Variants in ERBB4 observed in about 807,000 individuals in gnomAD.
ERBB4 encodes the protein receptor tyrosine-protein kinase erbB-4.
ERBB4 carries 42 observed loss-of-function variants against 158.0 expected under a neutral mutation model. The observed-to-expected ratio is 0.27, with a 90% CI of 0.21 to 0.34. The LOEUF is 0.34. Among genes scored for constraint, ERBB4 ranks in the 10% least tolerant of loss-of-function variants. The pLI, the probability that ERBB4 is intolerant of heterozygous loss-of-function variation, is 1.00. For synonymous variants in ERBB4, 583 were observed against 558.7 expected, an observed-to-expected ratio of 1.04 and a Z score of -0.61; for missense variants, 1,333 against 1,624.1, an observed-to-expected ratio of 0.82 and a Z score of 3.08.
intron 1 of ERBB4, among the ~76,000 whole-genome samples, chr2:212,390,366 T>C (rs1365865905): frequency 6.6e-6 from 1 of 151,822 alleles, no homozygotes; most frequent in African/African-American, 2.4e-5. Context: ...TTATTTAATT[T>C]TGTTTTTCTT....
Position 211,511,199 on chromosome 2 carries a change from A to T in ERBB4, c.2487+50704T>A, listed in dbSNP as rs150486279. On this transcript the variant is annotated intron_variant, in intron 20 of 27. Coordinates refer to ENST00000342788, the MANE Select transcript of ERBB4 (RefSeq NM_005235.3). ...AAATGTGACATTAAAAATTCTCTTA[A>T]GTTTTTAGCATATATATAGATATAT... is the stretch of plus-strand genomic sequence containing the variant. Among the ~76,000 whole-genome samples, 1,035 of 152,030 alleles carry T rather than the reference A, an allele frequency of 6.8e-3. 18 individuals carry two copies. Among genetic ancestry groups the T allele is most frequent in the African/African-American group, 0.024 (983 of 41,520 alleles).
intron 1 of ERBB4, among the ~76,000 whole-genome samples, chr2:212,286,767 A>ATTTTTTTTTT (rs748586400): frequency 0.053 from 2,079 of 39,450 alleles, 605 homozygotes; most frequent in South Asian, 0.1. Flanking sequence ...ATGAGGGTTA[A>ATTTTTTTTTT]TTTTTTTTTT....
rs534905519 is a variant in ERBB4, at chr2:211,980,337, T to C, written c.235-32721A>G. Among the ~76,000 whole-genome samples, 3 of 152,286 alleles carry C rather than the reference T, an allele frequency of 2.0e-5. No individual in the cohort carries two copies. The South Asian group carries it at 6.2e-4, about 32-fold the overall frequency. On this transcript the variant is annotated intron_variant, in intron 2 of 27. Transcript: ENST00000342788. ...CTTGAAAGCCCTGACTTTCAGTGCATCAATATAAGCAGTTGAGTAGACCGA... is the reference window on the plus strand; with the variant it reads ...CTTGAAAGCCCTGACTTTCAGTGCACCAATATAAGCAGTTGAGTAGACCGA...
At chr2:211,408,589 T>C (rs2125371715) in intron 25 of ERBB4, among the ~76,000 whole-genome samples, 1 of 152,340 alleles carries the variant, frequency 6.6e-6, no homozygotes, top group Middle Eastern at 3.4e-3. Context: ...ATTGTCTTAG[T>C]GTTGTAGAAA....
chr2:211,427,370 T>A (rs2063652297), intron 22 of ERBB4, among the ~76,000 whole-genome samples: 1 of 152,130 alleles, frequency 6.6e-6, no homozygotes, highest in African/African-American at 2.4e-5. Context: ...TTTTATATGA[T>A]ATATTTAAAC....
chr2:211,944,206 A>ATATACATATATATATATATAG (rs1553517919), intron 3 of ERBB4, among the ~76,000 whole-genome samples: 3 of 104,060 alleles, frequency 2.9e-5, no homozygotes, highest in African/African-American at 1.3e-4. Context: ...TATACTATAT[A>ATATACATATATATATATATAG]TATATATACA....
intron 1 of ERBB4, among the ~76,000 whole-genome samples, chr2:212,127,809 A>G (rs2079989042): frequency 6.6e-6 from 1 of 152,098 alleles, no homozygotes; most frequent in Admixed American, 6.5e-5. Flanking sequence ...AGAGCTATGT[A>G]CCTACAAGCC....
At chr2:211,958,460 C>A (rs1324880653) in intron 2 of ERBB4, among the ~76,000 whole-genome samples, 3 of 152,040 alleles carry the variant, frequency 2.0e-5, no homozygotes, top group Admixed American at 2.0e-4. Context: ...ACATTAACTT[C>A]TATTAATTAG....
intron 3 of ERBB4, among the ~76,000 whole-genome samples, chr2:211,925,103 T>C (rs1053712864): frequency 6.6e-6 from 1 of 152,132 alleles, no homozygotes; most frequent in African/African-American, 2.4e-5. Flanking sequence ...AGCTTTGCAG[T>C]TCAGAAATAC....
At chr2:212,242,119 A>G (rs931556226) in intron 1 of ERBB4, among the ~76,000 whole-genome samples, 1 of 151,912 alleles carries the variant, frequency 6.6e-6, no homozygotes, top group Non-Finnish European at 1.5e-5. Context: ...TCAACATAAC[A>G]AGATGTTTAG....
intron 7 of ERBB4, among the ~76,000 whole-genome samples, chr2:211,721,927 G>C (rs1462753756): frequency 6.6e-6 from 1 of 151,952 alleles, no homozygotes; most frequent in Non-Finnish European, 1.5e-5. Context: ...CAGTGGCACC[G>C]TCTCGGCTCA....
chr2:212,537,622 G>C (rs1424266986), intron 1 of ERBB4, among the ~76,000 whole-genome samples: 1 of 152,100 alleles, frequency 6.6e-6, no homozygotes, highest in African/African-American at 2.4e-5. Flanking sequence ...CAGCCTGGCC[G>C]GGCAGTAAAC....
intron 3 of ERBB4, among the ~76,000 whole-genome samples, chr2:211,932,974 G>T (rs2080216993): frequency 6.6e-6 from 1 of 151,890 alleles, no homozygotes; most frequent in African/African-American, 2.4e-5. Context: ...TACATAAAAC[G>T]ATTGAATAGT....
At chr2:212,498,379 T>C (rs1293947509) in intron 1 of ERBB4, among the ~76,000 whole-genome samples, 1 of 152,174 alleles carries the variant, frequency 6.6e-6, no homozygotes, top group East Asian at 1.9e-4. Flanking sequence ...ATTTAAGCTA[T>C]TTAAATCCTA....
intron 3 of ERBB4, among the ~76,000 whole-genome samples, chr2:211,860,282 A>G (rs962250776): frequency 6.6e-6 from 1 of 152,126 alleles, no homozygotes; most frequent in African/African-American, 2.4e-5. Flanking sequence ...TACTCCAATT[A>G]TTTTCTAACT....
At chr2:211,490,832 T>C (rs1574596599) in intron 20 of ERBB4, among the ~76,000 whole-genome samples, 1 of 152,250 alleles carries the variant, frequency 6.6e-6, no homozygotes, top group East Asian at 1.9e-4. Flanking sequence ...ACATCTTTGA[T>C]GTTGTTTGTT....
chr2:212,397,379 G>A (rs1056271598), intron 1 of ERBB4, among the ~76,000 whole-genome samples: 4 of 151,920 alleles, frequency 2.6e-5, no homozygotes, highest in East Asian at 1.9e-4. Flanking sequence ...AGGCTGAGGC[G>A]AGAGTATCAG....
At chr2:212,217,924 A>G (rs10175497) in intron 1 of ERBB4, among the ~76,000 whole-genome samples, 74,446 of 150,910 alleles carry the variant, frequency 0.49, 18,780 homozygotes, top group East Asian at 0.77. Flanking sequence ...GGTGCACTTA[A>G]ATCTTAAGAC....
At chr2:212,156,723 T>G (rs1198676424) in intron 1 of ERBB4, among the ~76,000 whole-genome samples, 1 of 152,108 alleles carries the variant, frequency 6.6e-6, no homozygotes, top group African/African-American at 2.4e-5. Context: ...CTTTCAAACT[T>G]GCCTGTCTTC....
Sources: gnomAD v4.1 joint callset for allele counts (sites outside exome capture counted in the v4.1 genomes callset) on GRCh38, gnomAD v4.1.1 for gene constraint, MANE v1.5 for transcripts, NCBI Gene and HGNC (gene_info 2026-07-23, HGNC 2026-07-21) for gene names.